The following PITPNM2 variants were observed in gnomAD, a reference collection of about 807,000 sequenced individuals.
The protein encoded by PITPNM2 is membrane-associated phosphatidylinositol transfer protein 2.
PITPNM2 carries 35 observed loss-of-function variants against 132.2 expected under a neutral mutation model. The observed-to-expected ratio is 0.26, with a 90% confidence interval of 0.20 to 0.35. The LOEUF (loss-of-function observed/expected upper bound fraction) is 0.35. PITPNM2 is among the 10% of genes least tolerant of loss of function. The probability of loss-of-function intolerance (pLI) is 1.00; values close to 1 mark genes in which losing one functional copy is unlikely to be tolerated. For missense variants in PITPNM2, 1,332 were observed against 1,912.0 expected, an observed-to-expected ratio of 0.70 and a Z score of 5.66; for synonymous variants, 738 against 799.2, an observed-to-expected ratio of 0.92 and a Z score of 1.29.
chr12:123,074,889 A>C (rs1352133254), intron 2 of PITPNM2, among the ~76,000 whole-genome samples: 1 of 152,238 alleles, frequency 6.6e-6, no homozygotes, highest in East Asian at 1.9e-4. Flanking sequence ...TGTCTCACTC[A>C]GGTGAGACAC....
rs926680317 is a variant in PITPNM2, at chr12:123,099,403, C to T, written c.-96+10982G>A. Among the ~76,000 whole-genome samples, 1 of 152,170 alleles carries T rather than the reference C, an allele frequency of 6.6e-6. No homozygotes were observed. Among genetic ancestry groups the T allele is most frequent in the African/African-American group, 2.4e-5 (1 of 41,436 alleles). ...AAGCTACTGTTCTGCCAGGGCTTGA[C>T]TGGCGGGACAAGTGGGATACTCCTC... is the stretch of plus-strand genomic sequence containing the variant. On this transcript the variant is annotated intron_variant, in intron 2 of 25. Transcript: ENST00000320201. This position sits in a 1 kb window ranked among gnomAD's most constrained non-coding sequence, Gnocchi z 4.2.
Position 122,988,270 on chromosome 12 carries a change from C to G in PITPNM2, c.2961G>C (p.Glu987Asp). ...CGTGGGTCCGCTTGCGCTGCCACTT[C>G]TCCCTTGGCTTTGAGGGGGTGAACA... ...VSVFTPSKPR[E>D]KWQRKRTHVK... Residue 987 changes from glutamate (E) to aspartate (D), a missense_variant, in exon 20 of 26, where the codon GAG (glutamate) becomes GAC (aspartate). Around this residue, in one of 6 missense-constraint regions of PITPNM2, gnomAD observed 251 missense variants for 472.0 expected, o/e 0.53. Transcript: ENST00000320201. 1 of 1,613,370 alleles carries G rather than the reference C, an allele frequency of 6.2e-7. No homozygotes were observed. The highest frequency in any genetic ancestry group is 8.5e-7 in the Non-Finnish European group (1 of 1,180,004).
chr12:123,116,666 AAG>A (rs892506413), intron 1 of PITPNM2, among the ~76,000 whole-genome samples: 1 of 150,344 alleles, frequency 6.7e-6, no homozygotes, highest in African/African-American at 2.4e-5. Context: ...AAAAAAAAAA[AAG>A]CAGGAGAGGA....
At chr12:123,001,563 C>T (rs4759402) in intron 8 of PITPNM2, among the ~76,000 whole-genome samples, 151,948 of 152,346 alleles carry the variant, frequency 1, 75,778 homozygotes, top group Middle Eastern at 1. Context: ...AACCATACAC[C>T]ATGTGGTCTT....
At chr12:123,100,443 T>C (rs551033310) in intron 2 of PITPNM2, among the ~76,000 whole-genome samples, 96 of 152,236 alleles carry the variant, frequency 6.3e-4, no homozygotes, top group African/African-American at 2.1e-3. Context: ...CTGACCAACA[T>C]GGTGAAACCC....
intron 14 of PITPNM2, 141 bp from the exon 15 acceptor site, chr12:122,995,120 G>T: frequency 9.5e-7 from 1 of 1,054,216 alleles, no homozygotes; most frequent in Non-Finnish European, 1.3e-6. Flanking sequence ...ACCTGCCCCT[G>T]GTCCATTCTG....
At position 122,986,193 on chromosome 12, in the gene PITPNM2, C is replaced by T. The variant is rs914354781; in HGVS notation, c.3884G>A (p.Arg1295His). Residue 1295 changes from arginine to histidine, a missense_variant, in exon 26 of 26, where the codon CGC becomes CAC. Around this residue, in one of 6 missense-constraint regions of PITPNM2, gnomAD observed 163 missense variants for 177.2 expected, o/e 0.92. Transcript: ENST00000320201. ...CCCGCTGGGCTGGGCCGAGATGGTG[C>T]GAAGCAGGTGGTTCCGGGAGCGCAG... ...DFLRSRNHLL[R>H]TISAQPSGPS... 6.4e-6 allele frequency: 10 copies of T among 1,553,778 alleles called. No homozygotes were observed. Among genetic ancestry groups the T allele is most frequent in the East Asian group, 2.4e-5 (1 of 42,030 alleles).
At chr12:123,112,086 A>G (rs1300478291) in intron 1 of PITPNM2, among the ~76,000 whole-genome samples, 1 of 152,186 alleles carries the variant, frequency 6.6e-6, no homozygotes, top group Non-Finnish European at 1.5e-5. Flanking sequence ...GGCTATGAGA[A>G]AAAAGCACTC....
intron 1 of PITPNM2, among the ~76,000 whole-genome samples, chr12:123,141,697 G>A (rs1338621112): frequency 6.6e-6 from 1 of 152,180 alleles, no homozygotes; most frequent in African/African-American, 2.4e-5. Flanking sequence ...CAGTCCTGCA[G>A]CTCCCAGGCC....
At position 122,985,161 on chromosome 12, in the gene PITPNM2, C is replaced by G. The variant is rs1375373142; in HGVS notation, c.*866G>C. The G allele has an allele frequency of 6.6e-6, 1 of 152,482 alleles. No individual in the cohort carries two copies. The highest frequency in any genetic ancestry group is 1.5e-5 in the Non-Finnish European group (1 of 68,038). The allele number at this position is 152,482 out of a possible 1,614,324, so 9.4% of individuals were successfully genotyped here. A position where few individuals can be genotyped will look rare whatever the true frequency, so the allele number is the denominator to read the frequency against. ...GTGTTTTCAGTGTGGAGGGGCTGCTCTCAGTACTGAAAGAGTTAAGAAAAG... is the reference window on the plus strand; with the variant it reads ...GTGTTTTCAGTGTGGAGGGGCTGCTGTCAGTACTGAAAGAGTTAAGAAAAG... On this transcript the variant is annotated 3_prime_UTR_variant, in exon 26 of 26. Transcript: ENST00000320201.
chr12:122,995,688 C>G (rs758188414), intron 13 of PITPNM2, 28 bp from the exon 14 acceptor site: 12 of 1,554,840 alleles, frequency 7.7e-6, no homozygotes, highest in Non-Finnish European at 1.0e-5. Context: ...AGGCTCACTG[C>G]CAGGTGGCCG....
intron 1 of PITPNM2, among the ~76,000 whole-genome samples, chr12:123,140,646 T>TA (rs2043486544): frequency 6.6e-6 from 1 of 151,940 alleles, no homozygotes; most frequent in Non-Finnish European, 1.5e-5. Context: ...AGTCTGAACG[T>TA]TGTTCTCCCT....
chr12:123,096,718 G>A (rs988416387), intron 2 of PITPNM2, among the ~76,000 whole-genome samples: 1 of 152,214 alleles, frequency 6.6e-6, no homozygotes, highest in African/African-American at 2.4e-5. Flanking sequence ...GAGCAGTGAG[G>A]ACCTGGAACC....
In PITPNM2 at chr12:123,064,594, G is replaced by T. The variant is rs1219351307; in HGVS notation, c.-95-29909C>A. On this transcript the variant is annotated intron_variant, in intron 2 of 25. Coordinates refer to ENST00000320201, the MANE Select transcript of PITPNM2 (RefSeq NM_020845.3). This position sits in a 1 kb window ranked among gnomAD's most constrained non-coding sequence, Gnocchi z 4.0. ...TCTGCGCACAGCCCGCCACTTCCCT[G>T]CCAGGCTGACTGGGTCAAAAACAAA... is the stretch of plus-strand genomic sequence containing the variant. Among the ~76,000 whole-genome samples the T allele has an allele frequency of 6.6e-6, 1 of 152,204 alleles. No homozygotes were observed. Among genetic ancestry groups the T allele is most frequent in the African/African-American group, 2.4e-5 (1 of 41,438 alleles).
At chr12:123,072,132 C>T (rs985099465) in intron 2 of PITPNM2, among the ~76,000 whole-genome samples, 3 of 152,196 alleles carry the variant, frequency 2.0e-5, no homozygotes, top group Non-Finnish European at 4.4e-5. Context: ...TTTACAAGGG[C>T]ACAGGGTGAC....
chr12:123,123,935 CAAA>C (rs74682441), intron 1 of PITPNM2, among the ~76,000 whole-genome samples: 1 of 111,792 alleles, frequency 8.9e-6, no homozygotes. Flanking sequence ...GATTCTGCCT[CAAA>C]AAAAAAAAAA....
intron 1 of PITPNM2, among the ~76,000 whole-genome samples, chr12:123,148,060 T>G (rs2043654397): frequency 1.3e-5 from 2 of 152,206 alleles, no homozygotes; most frequent in South Asian, 4.1e-4. Context: ...AAGGGGAAAA[T>G]GCCTCAGATT....
Position 122,993,022 on chromosome 12 carries a change from T to G in PITPNM2, c.2234-353A>C, listed in dbSNP as rs1405798030. 1.3e-5 allele frequency among the ~76,000 whole-genome samples: 2 copies of G among 152,128 alleles called. No individual in the cohort carries two copies. Among genetic ancestry groups the G allele is most frequent in the East Asian group, 3.9e-4 (2 of 5,184 alleles). On this transcript the variant is annotated intron_variant, in intron 15 of 25. Transcript: ENST00000320201. This position sits in a 1 kb window ranked among gnomAD's most constrained non-coding sequence, Gnocchi z 5.2. Reference sequence around the variant, plus strand: ...TTTTATTTTTTGTAGAGATGGGGTCTTACTATGTTATCCAGGCTGGTCTCA... The same window carrying G: ...TTTTATTTTTTGTAGAGATGGGGTCGTACTATGTTATCCAGGCTGGTCTCA...
chr12:123,150,302 G>A lies in PITPNM2; in HGVS notation c.-200+451C>T, dbSNP rs1402805898. ...CCCCGACAAGCAGAGGCCACGGCCC[G>A]GGCCTGGGGACGTTCAGCTGGAGGC... is the stretch of plus-strand genomic sequence containing the variant. On this transcript the variant is annotated intron_variant, in intron 1 of 25. Coordinates refer to ENST00000320201, the MANE Select transcript of PITPNM2 (RefSeq NM_020845.3). The surrounding 1 kb of genome is among the most constrained non-coding windows in gnomAD (Gnocchi z 6.0). Among the ~76,000 whole-genome samples the A allele has an allele frequency of 6.6e-6, 1 of 152,018 alleles. No homozygotes were observed. The highest frequency in any genetic ancestry group is 6.5e-5 in the Admixed American group (1 of 15,268).
Sources: gnomAD v4.1 joint callset for allele counts (sites outside exome capture counted in the v4.1 genomes callset) on GRCh38, gnomAD v4.1.1 for gene constraint, gnomAD v4.1.1 regional missense constraint, Gnocchi (gnomAD v3.1) non-coding constraint, MANE v1.5 for transcripts, NCBI Gene and HGNC (gene_info 2026-07-23, HGNC 2026-07-21) for gene names.